The following RUVBL1 variants were observed in gnomAD, a reference collection of about 807,000 sequenced individuals.
RUVBL1 encodes RuvB like AAA ATPase 1.
In RUVBL1, 4 loss-of-function variants were observed where a neutral mutation model predicts 52.4. The ratio of observed to expected loss-of-function variants is 0.08; its 90% CI spans 0.04 to 0.17. The LOEUF is 0.17. Among genes scored for constraint, RUVBL1 ranks in the 10% least tolerant of loss-of-function variants. The probability of loss-of-function intolerance (pLI) is 1.00; values close to 1 mark genes in which losing one functional copy is unlikely to be tolerated. For missense variants in RUVBL1, 298 were observed against 572.8 expected (o/e 0.52, Z 4.90); for synonymous variants, 217 against 214.4 (o/e 1.01, Z -0.10).
chr3:128,153,761 T>C (rs1172179543), exon 1 of RUVBL1: 1 of 1,544,354 alleles, frequency 6.5e-7, no homozygotes, highest in Non-Finnish European at 8.7e-7. Flanking sequence ...GGCGAGCCAC[T>C]GCTTCAGGTC....
chr3:128,138,993 G>A (rs1943983110), intron 1 of RUVBL1, among the ~76,000 whole-genome samples: 2 of 152,060 alleles, frequency 1.3e-5, no homozygotes, highest in African/African-American at 4.8e-5. Flanking sequence ...ATAGCCATAC[G>A]AGAGAAAATG....
At chr3:128,124,301 A>G (rs1576480286), upstream of RUVBL1, among the ~76,000 whole-genome samples, 1 of 149,144 alleles carries the variant, frequency 6.7e-6, no homozygotes, top group South Asian at 2.2e-4. Flanking sequence ...TCTATCCTCC[A>G]TCCTCCACCG....
chr3:128,077,200 G>C (rs971868576), downstream of RUVBL1, among the ~76,000 whole-genome samples: 7 of 152,144 alleles, frequency 4.6e-5, no homozygotes, highest in African/African-American at 1.4e-4. Context: ...CTGCCGCCAA[G>C]TGACGGGAGG....
exon 1 of RUVBL1, chr3:128,153,798 C>T: frequency 6.6e-7 from 1 of 1,522,518 alleles, no homozygotes; most frequent in Non-Finnish European, 8.8e-7. Flanking sequence ...CCGGGCACGC[C>T]TCCCTCATCC....
At chr3:128,065,223 G>A (rs1411947651) in intron 9 of RUVBL1, 3 of 705,672 alleles carry the variant, frequency 4.3e-6, no homozygotes, top group Admixed American at 4.5e-5. Context: ...CATGGGACCT[G>A]CCATTAACGA....
chr3:128,116,937 G>A (rs1429584925), intron 2 of RUVBL1, among the ~76,000 whole-genome samples: 2 of 152,152 alleles, frequency 1.3e-5, no homozygotes, highest in Non-Finnish European at 2.9e-5. Context: ...AATAGCATTA[G>A]CAAGGTGGGT....
At chr3:128,151,213 CACTGTATATAT>C (rs930496840) in intron 1 of RUVBL1, among the ~76,000 whole-genome samples, 3 of 130,994 alleles carry the variant, frequency 2.3e-5, no homozygotes, top group African/African-American at 8.8e-5. Flanking sequence ...TCTATATATA[CACTGTATATAT>C]TCTATATATA....
At chr3:128,077,896 T>C (rs1942377013), downstream of RUVBL1, among the ~76,000 whole-genome samples, 5 of 152,236 alleles carry the variant, frequency 3.3e-5, no homozygotes, top group Admixed American at 2.0e-4. Flanking sequence ...GTCTCTTGGG[T>C]ACCTGATACA....
intron 1 of RUVBL1, among the ~76,000 whole-genome samples, chr3:128,132,183 G>C (rs548420052): frequency 1.6e-4 from 24 of 152,310 alleles, no homozygotes; most frequent in Admixed American, 1.1e-3. Context: ...CCCACGGAGA[G>C]AGCATTTAGA....
intron 1 of RUVBL1, among the ~76,000 whole-genome samples, chr3:128,135,973 A>T (rs910260360): frequency 2.0e-5 from 3 of 152,224 alleles, no homozygotes; most frequent in Admixed American, 2.0e-4. Flanking sequence ...GGATGAAGTT[A>T]AACTGTAGAA....
chr3:128,135,743 T>C (rs1943938751), intron 1 of RUVBL1, among the ~76,000 whole-genome samples: 1 of 152,172 alleles, frequency 6.6e-6, no homozygotes, highest in African/African-American at 2.4e-5. Flanking sequence ...TAATGAGCAA[T>C]AAGAAATCAC....
exon 10 of RUVBL1, chr3:128,065,156 G>C: frequency 8.7e-7 from 1 of 1,149,428 alleles, no homozygotes; most frequent in Non-Finnish European, 1.3e-6. Context: ...GAAACGATGA[G>C]ATGGTATTTG....
intron 1 of RUVBL1, among the ~76,000 whole-genome samples, chr3:128,150,899 TATA>T (rs1262184560): frequency 6.8e-5 from 6 of 87,994 alleles, no homozygotes; most frequent in Admixed American, 2.0e-4. Flanking sequence ...ATTCTATATA[TATA>T]ATATAATATT....
chr3:128,143,645 C>A (rs1456574380), intron 1 of RUVBL1, among the ~76,000 whole-genome samples: 1 of 152,210 alleles, frequency 6.6e-6, no homozygotes, highest in East Asian at 1.9e-4. Flanking sequence ...AGTCCAGTGG[C>A]AAAGAGTACA....
At chr3:128,130,872 G>C (rs905422053) in intron 1 of RUVBL1, among the ~76,000 whole-genome samples, 1 of 151,714 alleles carries the variant, frequency 6.6e-6, no homozygotes, top group African/African-American at 2.4e-5. Context: ...GGATGGTCTC[G>C]ATCTCCTGAC....
chr3:128,123,818 A>T (rs535849484), upstream of RUVBL1: 355 of 1,447,484 alleles, frequency 2.5e-4, 1 homozygote, highest in South Asian at 4.8e-3. Context: ...TTACTAGGGC[A>T]ATTTGCAAAG....
At chr3:128,145,513 G>A (rs760088459) in intron 1 of RUVBL1, among the ~76,000 whole-genome samples, 20 of 152,230 alleles carry the variant, frequency 1.3e-4, no homozygotes, top group Non-Finnish European at 2.5e-4. Context: ...GAAGCTTCCA[G>A]AGGGCGTGCC....
At chr3:128,076,177 G>C (rs1479854240), downstream of RUVBL1, 1 of 152,382 alleles carries the variant, frequency 6.6e-6, no homozygotes, top group Non-Finnish European at 1.5e-5. This position sits in a 1 kb window ranked among gnomAD's most constrained non-coding sequence, Gnocchi z 6.8. Context: ...GTGCCTCAGA[G>C]GCAGGTCGCT....
At chr3:128,146,184 A>G (rs1021369153) in intron 1 of RUVBL1, among the ~76,000 whole-genome samples, 13 of 152,144 alleles carry the variant, frequency 8.5e-5, no homozygotes, top group Non-Finnish European at 1.8e-4. Context: ...GCTCTGGTCC[A>G]TGCTTGGGGG....
Sources: gnomAD v4.1 joint callset for allele counts (sites outside exome capture counted in the v4.1 genomes callset) on GRCh38, gnomAD v4.1.1 for gene constraint, Gnocchi (gnomAD v3.1) non-coding constraint, MANE v1.5 for transcripts, NCBI Gene and HGNC (gene_info 2026-07-23, HGNC 2026-07-21) for gene names.